DSE: variants seen among roughly 807,000 people sequenced by gnomAD.
DSE encodes dermatan-sulfate epimerase.
A neutral mutation model predicts 84.4 loss-of-function variants in DSE; 36 were observed. The ratio of observed to expected loss-of-function variants is 0.43; its 90% CI spans 0.33 to 0.56. The LOEUF is 0.56. Ranked by LOEUF, DSE falls within the 20% of genes least tolerant of loss-of-function variation. The pLI is 0.06. For missense variants in DSE, 862 were observed against 1,169.6 expected, an observed-to-expected ratio of 0.74 and a Z score of 3.84; for synonymous variants, 410 against 430.1, an observed-to-expected ratio of 0.95 and a Z score of 0.58.
intron 2 of DSE, among the ~76,000 whole-genome samples, chr6:116,342,281 G>GTTTTTTTTTTTTTTTTTTTTTTTTT (rs34996201): frequency 7.5e-6 from 1 of 133,662 alleles, no homozygotes; most frequent in Non-Finnish European, 1.6e-5. Flanking sequence ...TATTGTTGCT[G>GTTTTTTTTTTTTTTTTTTTTTTTTT]TTTTTTTTTT....
intron 2 of DSE, among the ~76,000 whole-genome samples, chr6:116,302,396 G>A (rs184414278): frequency 9.6e-4 from 146 of 152,272 alleles, no homozygotes; most frequent in African/African-American, 3.4e-3. Flanking sequence ...GTGATGATGA[G>A]CTTTTTTTCA....
intron 2 of DSE, among the ~76,000 whole-genome samples, chr6:116,327,536 T>C (rs1293245916): frequency 6.6e-6 from 1 of 152,190 alleles, no homozygotes; most frequent in Non-Finnish European, 1.5e-5. Flanking sequence ...TGTCAAGATC[T>C]TGGGCAAATG....
chr6:116,402,798 T>A (rs1320125072), intron 2 of DSE, among the ~76,000 whole-genome samples: 3 of 152,192 alleles, frequency 2.0e-5, no homozygotes, highest in Non-Finnish European at 4.4e-5. Flanking sequence ...GAATCTAATG[T>A]TAACACCAAT....
In DSE at chr6:116,403,634, A is replaced by G. The variant is rs116798727; in HGVS notation, c.416+3968A>G. On this transcript the variant is annotated intron_variant, in intron 2 of 5. Transcript: ENST00000644252. ...ATCTAAAACGCACCATGAGTGGGCCACAGGTGGACACTGAGGGGTTTGGTT... is the reference window on the plus strand; with the variant it reads ...ATCTAAAACGCACCATGAGTGGGCCGCAGGTGGACACTGAGGGGTTTGGTT... 7.6e-3 allele frequency among the ~76,000 whole-genome samples: 1,162 copies of G among 152,282 alleles called. 15 individuals are homozygous for G. Among genetic ancestry groups the G allele is most frequent in the African/African-American group, 0.027 (1,110 of 41,564 alleles).
At position 116,437,246 on chromosome 6, in the gene DSE, C is replaced by G; in HGVS notation, c.2778C>G (p.Ala926=). The G allele has an allele frequency of 6.2e-7, 1 of 1,614,066 alleles. No individual in the cohort carries two copies. Among genetic ancestry groups the G allele is most frequent in the Non-Finnish European group, 8.5e-7 (1 of 1,179,994 alleles). The change falls in exon 6 of 6, where the codon GCC becomes GCG. Residue 926 remains alanine (A), a synonymous_variant. Transcript: ENST00000644252. ...LAMQLTYFQR[A]QSLHGQRCLY... ...TGCAACTGACTTATTTCCAGAGGGCCCAGAGCCTACATGGCCAAAGATGTC... is the reference window on the plus strand; with the variant it reads ...TGCAACTGACTTATTTCCAGAGGGCGCAGAGCCTACATGGCCAAAGATGTC...
At chr6:116,298,616 T>C (rs1774812541) in intron 2 of DSE, among the ~76,000 whole-genome samples, 1 of 152,232 alleles carries the variant, frequency 6.6e-6, no homozygotes, top group African/African-American at 2.4e-5. Flanking sequence ...CATTTTAGAC[T>C]TCTCATTTCC....
intron 5 of DSE, among the ~76,000 whole-genome samples, chr6:116,435,043 T>C (rs1784062276): frequency 6.6e-6 from 1 of 152,220 alleles, no homozygotes; most frequent in African/African-American, 2.4e-5. Context: ...TGAGATGTGG[T>C]GTTGGTGATA....
At chr6:116,316,597 G>A (rs1004294136) in intron 2 of DSE, among the ~76,000 whole-genome samples, 9 of 151,734 alleles carry the variant, frequency 5.9e-5, no homozygotes, top group South Asian at 2.1e-4. Flanking sequence ...TTGTCAAAGC[G>A]TTATCCCCTC....
chr6:116,300,118 A>C (rs2114701093), intron 2 of DSE, among the ~76,000 whole-genome samples: 1 of 152,304 alleles, frequency 6.6e-6, no homozygotes, highest in East Asian at 1.9e-4. Context: ...GAAAAGACAG[A>C]CCTTCACATA....
intron 2 of DSE, among the ~76,000 whole-genome samples, chr6:116,417,585 A>T (rs1782797436): frequency 6.6e-6 from 1 of 152,166 alleles, no homozygotes; most frequent in African/African-American, 2.4e-5. Context: ...TCACAGCATT[A>T]AAATGAAATT....
chr6:116,375,624 T>G (rs1779877629), intron 1 of DSE: 2 of 900,260 alleles, frequency 2.2e-6, no homozygotes, highest in Non-Finnish European at 2.7e-6. Flanking sequence ...GCTGAAGTCT[T>G]GCAGAAAAGA....
At chr6:116,369,799 C>A, upstream of DSE, 1 of 742,022 alleles carries the variant, frequency 1.3e-6, no homozygotes, top group Non-Finnish European at 2.0e-6. Context: ...GAGACATCCA[C>A]ATTTTTTCCT....
chr6:116,258,663 G>C, exon 2 of DSE: 1 of 1,611,720 alleles, frequency 6.2e-7, no homozygotes, highest in Non-Finnish European at 8.5e-7. Flanking sequence ...ACAGCAGCCA[G>C]ATGGCCTGAT....
intron 1 of DSE, among the ~76,000 whole-genome samples, chr6:116,381,263 GA>G (rs1284039991): frequency 6.6e-6 from 1 of 152,064 alleles, no homozygotes; most frequent in African/African-American, 2.4e-5. Flanking sequence ...GGGAATAAAG[GA>G]ATGAAATGTG....
At chr6:116,433,289 AT>A (rs1783957358) in intron 4 of DSE, 53 bp from the exon 5 acceptor site, 1 of 1,502,082 alleles carries the variant, frequency 6.7e-7, no homozygotes, top group Non-Finnish European at 9.1e-7. Context: ...TTAGACCTAT[AT>A]AGGAGTGTGA....
At chr6:116,422,160 A>C (rs187867577) in intron 2 of DSE, among the ~76,000 whole-genome samples, 77 of 152,336 alleles carry the variant, frequency 5.1e-4, no homozygotes, top group Middle Eastern at 3.4e-3. Flanking sequence ...ATGTGTGTTC[A>C]CTGAGTTATT....
intron 2 of DSE, chr6:116,279,168 C>T: frequency 6.2e-7 from 1 of 1,613,436 alleles, no homozygotes; most frequent in Non-Finnish European, 8.5e-7. Flanking sequence ...CATGCAAAGG[C>T]CAGGGCCCTT....
chr6:116,306,329 A>G (rs1775343722), intron 2 of DSE, among the ~76,000 whole-genome samples: 1 of 152,222 alleles, frequency 6.6e-6, no homozygotes, highest in Non-Finnish European at 1.5e-5. Context: ...ATACATACAC[A>G]CACAGGTACA....
At chr6:116,412,596 T>G (rs1318636372) in intron 2 of DSE, 2 of 152,244 alleles carry the variant, frequency 1.3e-5, no homozygotes, top group Non-Finnish European at 2.9e-5. Flanking sequence ...TTGAAACTTT[T>G]TCACTGTGAC....
Sources: allele counts gnomAD v4.1 joint callset (sites outside exome capture counted in the v4.1 genomes callset), GRCh38; gene constraint gnomAD v4.1.1; transcripts MANE v1.5; gene names NCBI Gene and HGNC (gene_info 2026-07-23, HGNC 2026-07-21).